Variants in CNST observed in about 807,000 individuals in gnomAD.
CNST encodes the protein consortin.
A neutral mutation model predicts 72.4 loss-of-function variants in CNST; 39 were observed. That is an observed-to-expected ratio of 0.54 (90% CI 0.42 to 0.70). CNST has a LOEUF of 0.70. CNST is among the 30% of genes least tolerant of loss of function. The pLI is 0.00. For synonymous variants in CNST, 332 were observed against 320.1 expected, an observed-to-expected ratio of 1.04 and a Z score of -0.40; for missense variants, 871 against 868.5, an observed-to-expected ratio of 1.00 and a Z score of -0.04.
At chr1:246,583,353 CT>C (rs1234356561) in intron 1 of CNST, among the ~76,000 whole-genome samples, 2 of 152,312 alleles carry the variant, frequency 1.3e-5, no homozygotes, top group Admixed American at 1.3e-4. Context: ...TAAAAGTAAC[CT>C]TCATTCCTCT....
intron 9 of CNST, 44 bp downstream of exon 9, chr1:246,648,081 A>G: frequency 1.3e-6 from 2 of 1,552,342 alleles, no homozygotes; most frequent in Non-Finnish European, 1.7e-6. Context: ...ATGGCATTTA[A>G]AAAACATATA....
intron 9 of CNST, among the ~76,000 whole-genome samples, chr1:246,650,187 CCCT>C (rs1666372727): frequency 6.6e-6 from 1 of 152,048 alleles, no homozygotes; most frequent in African/African-American, 2.4e-5. Flanking sequence ...ATGGAATATT[CCCT>C]CCTCAGACTC....
intron 9 of CNST, among the ~76,000 whole-genome samples, chr1:246,652,951 C>A (rs1666563604): frequency 6.6e-6 from 1 of 151,446 alleles, no homozygotes; most frequent in Non-Finnish European, 1.5e-5. Context: ...TTGCAGTGAG[C>A]CGAGATTGCA....
chr1:246,652,798 A>C (rs189847801), intron 9 of CNST, among the ~76,000 whole-genome samples: 1 of 151,102 alleles, frequency 6.6e-6, no homozygotes. Flanking sequence ...AGGTCAGGAG[A>C]TCGAGACCAT....
intron 3 of CNST, among the ~76,000 whole-genome samples, chr1:246,622,918 G>A (rs912083291): frequency 6.6e-6 from 1 of 152,150 alleles, no homozygotes; most frequent in Admixed American, 6.5e-5. Flanking sequence ...CCACCTCCCA[G>A]ATTCAAGCCA....
chr1:246,609,490 T>C (rs1663157893), intron 2 of CNST, among the ~76,000 whole-genome samples: 1 of 152,100 alleles, frequency 6.6e-6, no homozygotes, highest in Non-Finnish European at 1.5e-5. Context: ...AGCAGGAGAA[T>C]TGCTTGAACC....
rs1031056701 is a variant in CNST at position 246,658,294 on chromosome 1, C to T, written c.1837-1905C>T. Among the ~76,000 whole-genome samples the T allele has an allele frequency of 2.0e-5, 3 of 152,140 alleles. No individual in the cohort carries two copies. In the South Asian group the frequency reaches 6.2e-4, roughly 32 times the overall value. ...TTTCCCTCTCAGTGTCAGCAAGGTGCTTATAAAACCTGTTTTCTCTGTTGT... is the reference window on the plus strand; with the variant it reads ...TTTCCCTCTCAGTGTCAGCAAGGTGTTTATAAAACCTGTTTTCTCTGTTGT... On this transcript the variant is annotated intron_variant, in intron 9 of 10. Transcript: ENST00000366513.
chr1:246,643,494 C>T (rs1665853828), intron 8 of CNST, among the ~76,000 whole-genome samples: 1 of 152,212 alleles, frequency 6.6e-6, no homozygotes, highest in Admixed American at 6.5e-5. Context: ...AGCATGGTTG[C>T]TGCGCAGCAC....
At position 246,639,154 on chromosome 1, in the gene CNST, T is replaced by C. The variant is rs116843176; in HGVS notation, c.819-2595T>C. ...AATCTGGAGGGCGGGTCCCTTAGAC[T>C]GGTTAGAACATGTAGTGCAACTCCA... On this transcript the variant is annotated intron_variant, in intron 6 of 10. Transcript: ENST00000366513. Among the ~76,000 whole-genome samples, 64 of 152,136 alleles carry C rather than the reference T, an allele frequency of 4.2e-4. No individual in the cohort carries two copies. In the East Asian group the frequency reaches 8.3e-3, roughly 20 times the overall value.
intron 8 of CNST, 95 bp downstream of exon 8, chr1:246,642,132 G>GT (rs1491252940): frequency 0.02 from 3,892 of 197,704 alleles, 144 homozygotes; most frequent in South Asian, 0.043. Context: ...CAAAGGATCT[G>GT]GTTTTTTTTT....
chr1:246,652,814 C>A (rs919478316), intron 9 of CNST, among the ~76,000 whole-genome samples: 86 of 150,910 alleles, frequency 5.7e-4, no homozygotes, highest in Middle Eastern at 3.4e-3. Flanking sequence ...ACCATCCTGG[C>A]TAACACGGTG....
chr1:246,654,158 T>C (rs1305532336), intron 9 of CNST, among the ~76,000 whole-genome samples: 1 of 152,138 alleles, frequency 6.6e-6, no homozygotes, highest in East Asian at 1.9e-4. Context: ...GCCCACTCTG[T>C]CTCCCCAACG....
intron 1 of CNST, among the ~76,000 whole-genome samples, chr1:246,571,209 C>T (rs1490042966): frequency 2.6e-5 from 4 of 152,258 alleles, no homozygotes; most frequent in East Asian, 3.9e-4. Context: ...TGCAGTGGTA[C>T]GAGATCTCAG....
intron 1 of CNST, among the ~76,000 whole-genome samples, chr1:246,579,800 T>C (rs1284360876): frequency 6.6e-6 from 1 of 152,078 alleles, no homozygotes; most frequent in Admixed American, 6.6e-5. Context: ...GCAGAGTAAA[T>C]AAAACAAAAT....
intron 8 of CNST, among the ~76,000 whole-genome samples, chr1:246,644,388 C>CA (rs58278885): frequency 0.36 from 36,102 of 101,120 alleles, 4,758 homozygotes; most frequent in Middle Eastern, 0.47. Context: ...ACTCTGTCTC[C>CA]AAAAAAAAAA....
rs989417997 is a variant in CNST, at chr1:246,585,904, A to G, written c.-51-5608A>G. On this transcript the variant is annotated intron_variant, in intron 1 of 10. Coordinates refer to ENST00000366513, the MANE Select transcript of CNST (RefSeq NM_152609.3). Reference sequence around the variant, plus strand: ...AGACCAGCCTGGGCAACATAGTGAGACTCTGTTTCTACAAAAAATTTAAAA... The same window carrying G: ...AGACCAGCCTGGGCAACATAGTGAGGCTCTGTTTCTACAAAAAATTTAAAA... Among the ~76,000 whole-genome samples the G allele has an allele frequency of 2.8e-4, 42 of 151,732 alleles. 1 individual carries two copies. Among genetic ancestry groups the G allele is most frequent in the African/African-American group, 8.7e-4 (36 of 41,342 alleles).
At chr1:246,603,407 C>G (rs1052541275) in intron 2 of CNST, among the ~76,000 whole-genome samples, 1 of 152,194 alleles carries the variant, frequency 6.6e-6, no homozygotes, top group African/African-American at 2.4e-5. Flanking sequence ...ACGATCTCTA[C>G]AAAGAGTGAC....
At chr1:246,627,503 T>G (rs763654329) in intron 3 of CNST, among the ~76,000 whole-genome samples, 3 of 152,052 alleles carry the variant, frequency 2.0e-5, no homozygotes, top group Non-Finnish European at 2.9e-5. Context: ...CAGGAAGGTG[T>G]GAGATACAGG....
intron 2 of CNST, among the ~76,000 whole-genome samples, chr1:246,609,635 CA>C (rs1430205174): frequency 6.6e-6 from 1 of 152,154 alleles, no homozygotes; most frequent in Non-Finnish European, 1.5e-5. Flanking sequence ...TGGCATTGAT[CA>C]GAACCTTAGA....
Sources: allele counts gnomAD v4.1 joint callset (sites outside exome capture counted in the v4.1 genomes callset), GRCh38; gene constraint gnomAD v4.1.1; transcripts MANE v1.5; gene names NCBI Gene and HGNC (gene_info 2026-07-23, HGNC 2026-07-21).